Variants in DENND4A observed in about 807,000 individuals in gnomAD.
DENND4A encodes C-myc promoter-binding protein.
Under a neutral mutation model 199.3 loss-of-function variants are expected in DENND4A, and 70 were observed. The observed-to-expected ratio is 0.35, with a 90% CI of 0.29 to 0.43. The LOEUF is 0.43. Among genes scored for constraint, DENND4A ranks in the 20% least tolerant of loss-of-function variants. DENND4A has a pLI of 1.00. For synonymous variants in DENND4A, 686 were observed against 766.9 expected (o/e 0.89, Z 1.74); for missense variants, 1,723 against 2,255.8 (o/e 0.76, Z 4.78).
intron 18 of DENND4A, 101 bp from the exon 19 acceptor site, chr15:65,701,293 G>GT: frequency 9.6e-7 from 1 of 1,038,882 alleles, no homozygotes; most frequent in East Asian, 2.9e-5. Flanking sequence ...TAGGCCAGGA[G>GT]TGGTGGCTCA....
At chr15:65,716,181 C>T (rs557537230) in intron 13 of DENND4A, among the ~76,000 whole-genome samples, 13 of 151,962 alleles carry the variant, frequency 8.6e-5, no homozygotes, top group South Asian at 8.3e-4. Context: ...GTTCTCTCTG[C>T]GTAAAACACT....
At chr15:65,664,499 C>T (rs2075972792) in intron 31 of DENND4A, 61 bp downstream of exon 31, 1 of 1,560,208 alleles carries the variant, frequency 6.4e-7, no homozygotes, top group Non-Finnish European at 8.8e-7. Flanking sequence ...TAACAAATTA[C>T]TAAGCAAACA....
intron 14 of DENND4A, among the ~76,000 whole-genome samples, chr15:65,710,477 G>T (rs7167543): frequency 0.042 from 6,460 of 152,176 alleles, 398 homozygotes; most frequent in African/African-American, 0.13. Context: ...GCCACTGTTC[G>T]TAAGGGAAGC....
chr15:65,788,100 A>G (rs952593754), intron 1 of DENND4A, among the ~76,000 whole-genome samples: 5 of 150,964 alleles, frequency 3.3e-5, no homozygotes, highest in Admixed American at 1.3e-4. Context: ...TTTTTGAGAC[A>G]GAGTCTCGTT....
chr15:65,753,032 C>CT (rs2076608696), intron 3 of DENND4A, among the ~76,000 whole-genome samples: 1 of 152,114 alleles, frequency 6.6e-6, no homozygotes, highest in African/African-American at 2.4e-5. Context: ...GTAGAGTCTG[C>CT]TTGCACGCTT....
chr15:65,665,385 C>T lies in DENND4A; in HGVS notation c.5319G>A (p.Gln1773=), dbSNP rs2076000789. 2 of 1,613,606 alleles carry T rather than the reference C, an allele frequency of 1.2e-6. No homozygotes were observed. The highest frequency in any genetic ancestry group is 1.7e-6 in the Non-Finnish European group (2 of 1,179,726). Residue 1773 remains glutamine (Q), a synonymous_variant, in exon 30 of 33, where the codon CAG becomes CAA. Transcript: ENST00000443035. The part of the protein sequence containing the change: ...QMLWDNMKLH[Q]DPGQPLYILW... ...GAATGTACAAGGGCTGTCCCGGATCCTGATGTAACTTCATATTGTCCCATA... is the reference window on the plus strand; with the variant it reads ...GAATGTACAAGGGCTGTCCCGGATCTTGATGTAACTTCATATTGTCCCATA...
chr15:65,746,292 T>G (rs950589964), intron 4 of DENND4A, among the ~76,000 whole-genome samples: 1 of 151,376 alleles, frequency 6.6e-6, no homozygotes, highest in Non-Finnish European at 1.5e-5. Flanking sequence ...AAAACGTACT[T>G]TCAAATTCTT....
rs1245542450 is a variant in DENND4A at position 65,661,918 on chromosome 15, T to C, written c.5657A>G (p.Asn1886Ser). 5 of 1,613,258 alleles carry C rather than the reference T, an allele frequency of 3.1e-6. No homozygotes were observed. Among genetic ancestry groups the C allele is most frequent in the Non-Finnish European group, 1.7e-6 (2 of 1,179,524 alleles). The change falls in exon 33 of 33, where the codon AAC becomes AGC. Residue 1886 changes from asparagine to serine, a missense_variant. Around this residue, in one of 6 missense-constraint regions of DENND4A, gnomAD observed 164 missense variants for 280.1 expected, o/e 0.59. Transcript: ENST00000443035. ...CCCTGTACTTGGTGGTCTATCACAG[T>C]TGTGTGTACTCTTGACTTGACTAGG... is the stretch of plus-strand genomic sequence containing the variant. Reference protein sequence around the residue: ...LTPSQVKSTHNCDRPPSTGVM... With the variant: ...LTPSQVKSTHSCDRPPSTGVM...
rs1405497393 is a variant in DENND4A at position 65,745,982 on chromosome 15, A to C, written c.562-4198T>G. On this transcript the variant is annotated intron_variant, in intron 4 of 32. Coordinates refer to ENST00000443035, the MANE Select transcript of DENND4A (RefSeq NM_001320835.1). ...AACCCCGTCTCTACCAAAAAAAAAAAATACAAAAATTAGCAGGATGTGGTG... is the reference window on the plus strand; with the variant it reads ...AACCCCGTCTCTACCAAAAAAAAAACATACAAAAATTAGCAGGATGTGGTG... Among the ~76,000 whole-genome samples, 4 of 152,058 alleles carry C rather than the reference A, an allele frequency of 2.6e-5. No homozygotes were observed. The East Asian group carries it at 5.8e-4, about 22-fold the overall frequency.
At chr15:65,735,399 A>C (rs141077830) in intron 7 of DENND4A, among the ~76,000 whole-genome samples, 2 of 152,316 alleles carry the variant, frequency 1.3e-5, no homozygotes, top group Non-Finnish European at 2.9e-5. Context: ...ACAAAAAGAA[A>C]AAAACAAGCA....
chr15:65,736,886 A>G (rs1023425367), intron 7 of DENND4A, among the ~76,000 whole-genome samples: 3 of 152,100 alleles, frequency 2.0e-5, no homozygotes, highest in African/African-American at 7.2e-5. Flanking sequence ...TGCTCACTAA[A>G]GTTTTTTTAG....
chr15:65,730,727 G>C (rs2075933386), intron 9 of DENND4A, among the ~76,000 whole-genome samples: 1 of 152,004 alleles, frequency 6.6e-6, no homozygotes, highest in South Asian at 2.1e-4. Context: ...GAGTATGTTA[G>C]AGATGGGAGG....
chr15:65,667,950 A>C lies in DENND4A; in HGVS notation c.4961T>G (p.Leu1654Arg). 1 of 1,609,044 alleles carries C rather than the reference A, an allele frequency of 6.2e-7. No individual in the cohort carries two copies. The highest frequency in any genetic ancestry group is 8.5e-7 in the Non-Finnish European group (1 of 1,178,880). The change falls in exon 28 of 33, where the codon CTG becomes CGG. Residue 1654 changes from leucine to arginine, a missense_variant. Around this residue, in one of 6 missense-constraint regions of DENND4A, gnomAD observed 141 missense variants for 170.7 expected, o/e 0.83. Transcript: ENST00000443035. ...TGTAGCTCCTTGTAAAGTAGCTGGCAGGCTGCCTGTAGAAATGAGCTTCTG... is the reference window on the plus strand; with the variant it reads ...TGTAGCTCCTTGTAAAGTAGCTGGCCGGCTGCCTGTAGAAATGAGCTTCTG... ...GRQKLISTGS[L>R]PATLQGATDS...
At chr15:65,746,369 CTTTTTTTTTTTTTTT>C (rs573935476) in intron 4 of DENND4A, among the ~76,000 whole-genome samples, 296 of 51,336 alleles carry the variant, frequency 5.8e-3, no homozygotes, top group African/African-American at 0.011. Flanking sequence ...ACTTTTTTCT[CTTTTTTTTTTTTTTT>C]TTTTTTTTTT....
intron 1 of DENND4A, among the ~76,000 whole-genome samples, chr15:65,774,900 T>A (rs1048447803): frequency 2.8e-4 from 42 of 149,668 alleles, no homozygotes; most frequent in Middle Eastern, 3.5e-3. Context: ...GAGACAAGGT[T>A]TCACTCTGTT....
At chr15:65,729,912 T>G (rs1257814137) in intron 9 of DENND4A, among the ~76,000 whole-genome samples, 1 of 152,216 alleles carries the variant, frequency 6.6e-6, no homozygotes, top group Non-Finnish European at 1.5e-5. Flanking sequence ...TCCAAAATCA[T>G]TCTTTTGTAC....
rs947337432 is a variant in DENND4A, at chr15:65,691,431, T to C, written c.3163A>G (p.Lys1055Glu). The C allele has an allele frequency of 3.1e-6, 5 of 1,613,502 alleles. No homozygotes were observed. The highest frequency in any genetic ancestry group is 2.2e-5 in the East Asian group (1 of 44,870). ...TRNIQSRCFR[K>E]RHKSDNETNL... ...GTTTCATTGTCACTTTTATGTCTTTTCCTGAAGCATCTACTTTGAATGTTT... is the reference window on the plus strand; with the variant it reads ...GTTTCATTGTCACTTTTATGTCTTTCCCTGAAGCATCTACTTTGAATGTTT... The change falls in exon 23 of 33, where the codon AAA becomes GAA. Residue 1055 changes from lysine (K) to glutamate (E), a missense_variant. By Grantham distance (56) the Lys-to-Glu change is moderately conservative (BLOSUM62 1). Transcript: ENST00000443035.
At chr15:65,673,160 C>T (rs923563423) in intron 24 of DENND4A, among the ~76,000 whole-genome samples, 94 of 150,912 alleles carry the variant, frequency 6.2e-4, no homozygotes, top group African/African-American at 2.3e-3. Flanking sequence ...CGTGCCCAGC[C>T]GAGGACTGGT....
At chr15:65,690,392 T>C (rs1458948680) in intron 23 of DENND4A, 23 bp downstream of exon 23, 3 of 1,533,564 alleles carry the variant, frequency 2.0e-6, no homozygotes, top group African/African-American at 2.8e-5. Flanking sequence ...ACAGTAAAAG[T>C]AGCAAATACT....
Sources: gnomAD v4.1 joint callset for allele counts (sites outside exome capture counted in the v4.1 genomes callset) on GRCh38, gnomAD v4.1.1 for gene constraint, gnomAD v4.1.1 regional missense constraint, MANE v1.5 for transcripts, NCBI Gene and HGNC (gene_info 2026-07-23, HGNC 2026-07-21) for gene names.